Variants in DGKI observed in about 807,000 individuals in gnomAD.
DGKI encodes the protein diacylglycerol kinase iota.
Under a neutral mutation model 147.5 loss-of-function variants are expected in DGKI, and 55 were observed. The ratio of observed to expected loss-of-function variants is 0.37; its 90% CI spans 0.30 to 0.47. The LOEUF is 0.47. Among genes scored for constraint, DGKI ranks in the 20% least tolerant of loss-of-function variants. The pLI, the probability that DGKI is intolerant of heterozygous loss-of-function variation, is 1.00. For missense variants in DGKI, 1,007 were observed against 1,323.8 expected (o/e 0.76, Z 3.71); for synonymous variants, 469 against 477.1 (o/e 0.98, Z 0.22).
At chr7:137,551,400 C>A (rs762195331) in intron 20 of DGKI, among the ~76,000 whole-genome samples, 4 of 152,104 alleles carry the variant, frequency 2.6e-5, no homozygotes, top group African/African-American at 7.2e-5. Context: ...TGGCAAAGCA[C>A]GCCCTTGCTT....
intron 28 of DGKI, 37 bp from the exon 29 acceptor site, chr7:137,412,244 A>C: frequency 6.3e-7 from 1 of 1,584,426 alleles, no homozygotes; most frequent in Non-Finnish European, 8.7e-7. Flanking sequence ...CATTAGTAGA[A>C]GACCCTCTTA....
At chr7:137,413,312 G>A (rs1418976960) in intron 28 of DGKI, among the ~76,000 whole-genome samples, 1 of 151,530 alleles carries the variant, frequency 6.6e-6, no homozygotes, top group Non-Finnish European at 1.5e-5. Flanking sequence ...AGATTCAGGG[G>A]ATGCATGTGC....
intron 2 of DGKI, among the ~76,000 whole-genome samples, chr7:137,684,600 A>G (rs1384284572): frequency 1.3e-5 from 2 of 152,154 alleles, no homozygotes; most frequent in African/African-American, 4.8e-5. Flanking sequence ...TTTGATTTAA[A>G]AACTCCCCCG....
intron 2 of DGKI, among the ~76,000 whole-genome samples, chr7:137,683,873 G>C (rs1823326520): frequency 6.6e-6 from 1 of 152,106 alleles, no homozygotes; most frequent in Admixed American, 6.5e-5. Flanking sequence ...CATAAATACA[G>C]ATTTCTAGAT....
At chr7:137,564,068 A>G (rs932778786) in intron 19 of DGKI, among the ~76,000 whole-genome samples, 1 of 152,168 alleles carries the variant, frequency 6.6e-6, no homozygotes, top group Non-Finnish European at 1.5e-5. Context: ...ATGAGGATAA[A>G]CAAATCAATG....
intron 8 of DGKI, among the ~76,000 whole-genome samples, chr7:137,619,216 T>C (rs1298540618): frequency 6.6e-6 from 1 of 152,178 alleles, no homozygotes; most frequent in Non-Finnish European, 1.5e-5. Flanking sequence ...AAGAAACCAC[T>C]AAGGTTTCCC....
At chr7:137,472,346 T>TTATATGTATATATACATATA (rs1814985066) in intron 23 of DGKI, among the ~76,000 whole-genome samples, 1 of 4,782 alleles carries the variant, frequency 2.1e-4, no homozygotes, top group Non-Finnish European at 4.6e-4. Context: ...TACATATAAT[T>TTATATGTATATATACATATA]ATTATATGTA....
intron 1 of DGKI, among the ~76,000 whole-genome samples, chr7:137,765,698 G>T (rs537718166): frequency 6.6e-6 from 1 of 152,302 alleles, no homozygotes; most frequent in South Asian, 2.1e-4. Context: ...TAGAGATGAT[G>T]CAGCTGAATC....
chr7:137,557,423 G>A (rs561151481), intron 19 of DGKI, among the ~76,000 whole-genome samples: 1 of 152,110 alleles, frequency 6.6e-6, no homozygotes, highest in Non-Finnish European at 1.5e-5. Flanking sequence ...TCAAAGATAC[G>A]AGTACATGAA....
At chr7:137,816,768 G>A (rs998639878) in intron 1 of DGKI, among the ~76,000 whole-genome samples, 17 of 152,190 alleles carry the variant, frequency 1.1e-4, no homozygotes, top group African/African-American at 4.1e-4. Context: ...ACAATAGGGG[G>A]TGAGTAAGGA....
At chr7:137,831,792 C>G (rs1347310575) in intron 1 of DGKI, among the ~76,000 whole-genome samples, 1 of 152,208 alleles carries the variant, frequency 6.6e-6, no homozygotes, top group Non-Finnish European at 1.5e-5. Context: ...TCCAAAGTCT[C>G]ACCTGAGACA....
At chr7:137,605,233 G>A (rs1417163043) in intron 10 of DGKI, among the ~76,000 whole-genome samples, 2 of 151,788 alleles carry the variant, frequency 1.3e-5, no homozygotes, top group African/African-American at 4.8e-5. Context: ...GCTTGAACCT[G>A]GGAGGTGGAG....
At chr7:137,554,349 C>T (rs1818149252) in intron 19 of DGKI, among the ~76,000 whole-genome samples, 1 of 152,148 alleles carries the variant, frequency 6.6e-6, no homozygotes, top group South Asian at 2.1e-4. Context: ...AGCCCCAAGA[C>T]TTTCTAGAAT....
chr7:137,700,603 C>A (rs1038437604), intron 1 of DGKI, among the ~76,000 whole-genome samples: 1 of 152,140 alleles, frequency 6.6e-6, no homozygotes, highest in African/African-American at 2.4e-5. Flanking sequence ...CATGGCAGAG[C>A]GCAGTGGCTT....
At chr7:137,688,817 A>G (rs2116448069) in intron 2 of DGKI, among the ~76,000 whole-genome samples, 1 of 152,302 alleles carries the variant, frequency 6.6e-6, no homozygotes, top group East Asian at 1.9e-4. Context: ...CCAGGAAAGG[A>G]ATATTCTTTC....
In DGKI at chr7:137,384,225, GCTCA is replaced by G. The variant is rs1348660582; in HGVS notation, c.*6991_*6994del. On this transcript the variant is annotated 3_prime_UTR_variant, in exon 33 of 33. Transcript: ENST00000614521. Reference sequence around the variant, plus strand: ...CAAATAAGTTAAAGAAGCCATTAACGCTCACTGTTAATTTCTTCTCTTGAAATCC... The same window carrying G: ...CAAATAAGTTAAAGAAGCCATTAACGCTGTTAATTTCTTCTCTTGAAATCC... 3 of 151,876 alleles carry G rather than the reference GCTCA, an allele frequency of 2.0e-5. No individual in the cohort carries two copies. Among genetic ancestry groups the G allele is most frequent in the Admixed American group, 6.6e-5 (1 of 15,208 alleles). 9.4% of individuals were successfully genotyped at this position (151,876 alleles called of 1,614,324 possible).
intron 8 of DGKI, among the ~76,000 whole-genome samples, chr7:137,612,218 G>A (rs1189721711): frequency 2.0e-5 from 3 of 149,024 alleles, no homozygotes; most frequent in Non-Finnish European, 4.4e-5. Context: ...CACACAAAAC[G>A]GGCTTTTTTT....
intron 1 of DGKI, among the ~76,000 whole-genome samples, chr7:137,707,832 C>G (rs1354281759): frequency 1.3e-5 from 2 of 152,196 alleles, no homozygotes; most frequent in African/African-American, 4.8e-5. Context: ...CAGACTAATA[C>G]AACCATCCTG....
At chr7:137,644,755 T>G (rs986329125) in intron 6 of DGKI, among the ~76,000 whole-genome samples, 1 of 152,264 alleles carries the variant, frequency 6.6e-6, no homozygotes, top group Non-Finnish European at 1.5e-5. Flanking sequence ...CTTATAGTGA[T>G]ATTCGCCACC....
Sources: gnomAD v4.1 joint callset for allele counts (sites outside exome capture counted in the v4.1 genomes callset) on GRCh38, gnomAD v4.1.1 for gene constraint, MANE v1.5 for transcripts, NCBI Gene and HGNC (gene_info 2026-07-23, HGNC 2026-07-21) for gene names.